CLDN10: variants seen among roughly 807,000 people sequenced by gnomAD.
The protein encoded by CLDN10 is claudin 10.
CLDN10 carries 15 observed loss-of-function variants against 22.9 expected under a neutral mutation model. The observed-to-expected ratio is 0.65, with a 90% CI of 0.44 to 1.01. The LOEUF is 1.01. CLDN10 is among the 50% of genes least tolerant of loss of function. The pLI, the probability that CLDN10 is intolerant of heterozygous loss-of-function variation, is 0.00. For missense variants in CLDN10, 247 were observed against 287.8 expected (o/e 0.86, Z 1.03); for synonymous variants, 114 against 111.4 (o/e 1.02, Z -0.15).
At chr13:95,566,128 T>C (rs1371521238) in intron 3 of CLDN10, among the ~76,000 whole-genome samples, 1 of 152,260 alleles carries the variant, frequency 6.6e-6, no homozygotes, top group African/African-American at 2.4e-5. Context: ...TATAATCCTT[T>C]GGGTATATAC....
chr13:95,449,761 T>TTTTG (rs2042415881), intron 1 of CLDN10, among the ~76,000 whole-genome samples: 2 of 149,860 alleles, frequency 1.3e-5, no homozygotes, highest in South Asian at 2.1e-4. Flanking sequence ...TTTTTCTTTT[T>TTTTG]GAGGCAGAAT....
intron 1 of CLDN10, among the ~76,000 whole-genome samples, chr13:95,500,877 G>A (rs926198168): frequency 1.3e-5 from 2 of 152,098 alleles, no homozygotes; most frequent in African/African-American, 4.8e-5. Flanking sequence ...ATGGAAGGGT[G>A]ACACAATTCT....
intron 1 of CLDN10, among the ~76,000 whole-genome samples, chr13:95,524,871 T>TTTATTTA (rs2043264053): frequency 6.6e-6 from 1 of 151,028 alleles, no homozygotes; most frequent in African/African-American, 2.4e-5. Context: ...TTTTATTTTT[T>TTTATTTA]TTTTTGAGAC....
intron 1 of CLDN10, among the ~76,000 whole-genome samples, chr13:95,474,467 G>C (rs550315734): frequency 9.2e-5 from 14 of 152,032 alleles, no homozygotes; most frequent in Admixed American, 7.9e-4. Flanking sequence ...CATGGCCCAG[G>C]GGTTGGGGAC....
chr13:95,507,542 C>T (rs558903610), intron 1 of CLDN10, among the ~76,000 whole-genome samples: 16 of 151,908 alleles, frequency 1.1e-4, no homozygotes, highest in Non-Finnish European at 1.9e-4. Flanking sequence ...ATCCCAGCAC[C>T]TTGGGAGGCT....
At chr13:95,446,742 T>A (rs2042383285) in intron 1 of CLDN10, among the ~76,000 whole-genome samples, 1 of 151,998 alleles carries the variant, frequency 6.6e-6, no homozygotes, top group Non-Finnish European at 1.5e-5. Context: ...TTTGGGAGGC[T>A]GAGGCAGGAG....
At chr13:95,563,612 C>A (rs1262895623) in intron 3 of CLDN10, among the ~76,000 whole-genome samples, 2 of 152,148 alleles carry the variant, frequency 1.3e-5, no homozygotes. Context: ...CCCTGCAGTG[C>A]CTTTCACAAA....
chr13:95,443,037 G>A (rs2042339435), intron 1 of CLDN10, among the ~76,000 whole-genome samples: 1 of 152,184 alleles, frequency 6.6e-6, no homozygotes, highest in Non-Finnish European at 1.5e-5. Flanking sequence ...CACATACATT[G>A]TCATAGTTCT....
intron 1 of CLDN10, among the ~76,000 whole-genome samples, chr13:95,554,252 A>AG (rs1362192838): frequency 6.6e-6 from 1 of 152,326 alleles, no homozygotes; most frequent in East Asian, 1.9e-4. Flanking sequence ...GCATCCAGGT[A>AG]GATGAACAGG....
chr13:95,466,215 G>A (rs1164031919), intron 1 of CLDN10, among the ~76,000 whole-genome samples: 3 of 151,872 alleles, frequency 2.0e-5, no homozygotes, highest in African/African-American at 4.8e-5. Context: ...TTACTTTATT[G>A]AGGATTTTAC....
chr13:95,503,592 G>T (rs1373620117), intron 1 of CLDN10, among the ~76,000 whole-genome samples: 2 of 152,162 alleles, frequency 1.3e-5, no homozygotes, highest in Non-Finnish European at 2.9e-5. Context: ...AGAAACCCAA[G>T]TGTCCGTGGG....
rs750267230 is a variant in CLDN10, at chr13:95,577,283, A to G, written c.517A>G (p.Ile173Val). ...TGGATGGGCAGGAGCCTCACTGTGC[A>G]TAATTGGTGGTGTCATATTTTGCTT... ...FIGWAGASLC[I>V]IGGVIFCFSI... Residue 173 changes from isoleucine to valine, a missense_variant, in exon 4 of 5, where the codon ATA becomes GTA. Ile to Val is a conservative substitution (Grantham distance 29, BLOSUM62 3). Coordinates refer to ENST00000299339, the MANE Select transcript of CLDN10 (RefSeq NM_006984.5). 1 of 1,614,222 alleles carries G rather than the reference A, an allele frequency of 6.2e-7. No homozygotes were observed. The highest frequency in any genetic ancestry group is 8.5e-7 in the Non-Finnish European group (1 of 1,180,032).
intron 1 of CLDN10, chr13:95,479,858 C>T (rs1224076980): frequency 1.3e-5 from 2 of 152,248 alleles, no homozygotes; most frequent in South Asian, 2.1e-4. Context: ...GGGGTTCTCA[C>T]CTGCTCAAGG....
chr13:95,463,330 CTTTT>C (rs869042850), intron 1 of CLDN10, among the ~76,000 whole-genome samples: 17 of 37,056 alleles, frequency 4.6e-4, no homozygotes, highest in South Asian at 9.1e-4. Flanking sequence ...ATATATTTGC[CTTTT>C]TTTTTTTTTT....
chr13:95,569,509 G>A (rs1317290886), intron 3 of CLDN10, among the ~76,000 whole-genome samples: 1 of 152,040 alleles, frequency 6.6e-6, no homozygotes, highest in Non-Finnish European at 1.5e-5. Context: ...ACTTGAACCT[G>A]GGGGGTGGAG....
chr13:95,504,718 T>C (rs1384259716), intron 1 of CLDN10, among the ~76,000 whole-genome samples: 1 of 152,086 alleles, frequency 6.6e-6, no homozygotes, highest in African/African-American at 2.4e-5. Context: ...TTTTCCTTTT[T>C]ATAGGGATAT....
intron 1 of CLDN10, among the ~76,000 whole-genome samples, chr13:95,473,320 C>T (rs1394124858): frequency 1.3e-5 from 2 of 152,138 alleles, no homozygotes; most frequent in African/African-American, 4.8e-5. Context: ...AACAAACCAC[C>T]ATGGCACACA....
intron 1 of CLDN10, among the ~76,000 whole-genome samples, chr13:95,443,271 G>A (rs115979217): frequency 0.011 from 1,624 of 152,290 alleles, 33 homozygotes; most frequent in African/African-American, 0.037. Flanking sequence ...CTTAGCTGTA[G>A]GATAACGATG....
intron 1 of CLDN10, among the ~76,000 whole-genome samples, chr13:95,439,050 G>T (rs1487573817): frequency 6.6e-6 from 1 of 151,508 alleles, no homozygotes. Context: ...TTCTGTGGGG[G>T]TTTATTCACA....
Sources: allele counts gnomAD v4.1 joint callset (sites outside exome capture counted in the v4.1 genomes callset), GRCh38; gene constraint gnomAD v4.1.1; transcripts MANE v1.5; gene names NCBI Gene and HGNC (gene_info 2026-07-23, HGNC 2026-07-21).